DLG2: variants seen among roughly 807,000 people sequenced by gnomAD.
The protein encoded by DLG2 is discs large MAGUK scaffold protein 2.
Under a neutral mutation model 132.5 loss-of-function variants are expected in DLG2, and 45 were observed. That is an observed-to-expected ratio of 0.34 (90% CI 0.27 to 0.44). The LOEUF is 0.44. Among genes scored for constraint, DLG2 ranks in the 20% least tolerant of loss-of-function variants. DLG2 has a pLI of 1.00. For missense variants in DLG2, 1,045 were observed against 1,196.9 expected, an observed-to-expected ratio of 0.87 and a Z score of 1.87; for synonymous variants, 424 against 419.6, an observed-to-expected ratio of 1.01 and a Z score of -0.13.
chr11:85,324,210 A>G (rs773212024), intron 3 of DLG2, among the ~76,000 whole-genome samples: 30 of 152,090 alleles, frequency 2.0e-4, no homozygotes, highest in Non-Finnish European at 3.8e-4. Context: ...CCCTGAGTTC[A>G]CCAGAATTCC....
At chr11:84,617,519 C>T (rs1032231516) in intron 6 of DLG2, among the ~76,000 whole-genome samples, 1 of 152,084 alleles carries the variant, frequency 6.6e-6, no homozygotes, top group Non-Finnish European at 1.5e-5. Flanking sequence ...ATTGCTGGTT[C>T]AAATGGTATT....
chr11:85,592,642 T>C (rs1342893435), intron 3 of DLG2, among the ~76,000 whole-genome samples: 1 of 152,138 alleles, frequency 6.6e-6, no homozygotes, highest in African/African-American at 2.4e-5. Context: ...AAAAAATCCC[T>C]TAAATGTTTT....
intron 14 of DLG2, among the ~76,000 whole-genome samples, chr11:83,961,294 T>C (rs1013851272): frequency 6.6e-6 from 1 of 152,078 alleles, no homozygotes; most frequent in Non-Finnish European, 1.5e-5. Flanking sequence ...GTTTCAACTA[T>C]GGTCTAGTTG....
chr11:83,506,015 C>G (rs2094680317), intron 21 of DLG2, among the ~76,000 whole-genome samples: 1 of 152,156 alleles, frequency 6.6e-6, no homozygotes, highest in Non-Finnish European at 1.5e-5. Flanking sequence ...CTACTTGAGA[C>G]CAATCATGTA....
chr11:85,002,891 A>AG (rs1489208278), intron 6 of DLG2, among the ~76,000 whole-genome samples: 1 of 151,806 alleles, frequency 6.6e-6, no homozygotes, highest in Non-Finnish European at 1.5e-5. Flanking sequence ...CCTTTATGAT[A>AG]TATTTTCTCT....
At chr11:85,407,598 G>T (rs1315594631) in intron 3 of DLG2, among the ~76,000 whole-genome samples, 1 of 151,806 alleles carries the variant, frequency 6.6e-6, no homozygotes, top group Non-Finnish European at 1.5e-5. Flanking sequence ...GGAAGAACAG[G>T]AATCATATCA....
At chr11:85,576,604 T>G (rs2078171503) in intron 3 of DLG2, among the ~76,000 whole-genome samples, 1 of 152,098 alleles carries the variant, frequency 6.6e-6, no homozygotes. Flanking sequence ...AATTTAAAAG[T>G]CAACAGTCAG....
intron 3 of DLG2, among the ~76,000 whole-genome samples, chr11:85,549,264 G>T (rs1041167934): frequency 6.6e-6 from 1 of 152,116 alleles, no homozygotes; most frequent in Non-Finnish European, 1.5e-5. Context: ...CTTCCCGGAT[G>T]AGGTGACGCC....
At chr11:85,151,740 T>C (rs1390960269) in intron 5 of DLG2, among the ~76,000 whole-genome samples, 1 of 152,240 alleles carries the variant, frequency 6.6e-6, no homozygotes, top group African/African-American at 2.4e-5. Context: ...CTTTCACTGA[T>C]GAATATATCT....
chr11:85,624,546 A>G (rs2081936548), intron 2 of DLG2, among the ~76,000 whole-genome samples: 1 of 152,214 alleles, frequency 6.6e-6, no homozygotes, highest in African/African-American at 2.4e-5. Flanking sequence ...ATCCCTGCAG[A>G]ATAAATCTAG....
intron 6 of DLG2, among the ~76,000 whole-genome samples, chr11:84,956,899 G>A (rs1222660389): frequency 6.6e-6 from 1 of 152,136 alleles, no homozygotes; most frequent in Non-Finnish European, 1.5e-5. Context: ...CTTCAGAGAG[G>A]TAAATCTATA....
intron 4 of DLG2, among the ~76,000 whole-genome samples, chr11:85,179,345 T>C (rs898111735): frequency 6.6e-6 from 1 of 151,474 alleles, no homozygotes; most frequent in African/African-American, 2.4e-5. Context: ...AAAAATAAAC[T>C]CAGAGGAATA....
chr11:85,169,088 C>G (rs1480317809), intron 4 of DLG2, among the ~76,000 whole-genome samples: 3 of 152,112 alleles, frequency 2.0e-5, no homozygotes, highest in Non-Finnish European at 2.9e-5. Flanking sequence ...TACACATATC[C>G]TCCCAGATAC....
chr11:83,709,231 CTGTG>C (rs112665187), intron 18 of DLG2, among the ~76,000 whole-genome samples: 7,457 of 147,212 alleles, frequency 0.051, 639 homozygotes, highest in African/African-American at 0.17. Flanking sequence ...AAATTTTACA[CTGTG>C]TGTGTGTGTG....
intron 3 of DLG2, among the ~76,000 whole-genome samples, chr11:85,508,564 G>C (rs912509150): frequency 6.6e-6 from 1 of 151,914 alleles, no homozygotes; most frequent in Non-Finnish European, 1.5e-5. Flanking sequence ...CTGCTCACTA[G>C]GTTGTAAGCT....
At chr11:83,467,135 C>T (rs2091180067) in intron 25 of DLG2, among the ~76,000 whole-genome samples, 1 of 152,124 alleles carries the variant, frequency 6.6e-6, no homozygotes, top group South Asian at 2.1e-4. Context: ...TGAGTCTGTT[C>T]TCATGAAGTT....
chr11:84,741,018 T>C (rs956370272), intron 6 of DLG2, among the ~76,000 whole-genome samples: 11 of 149,906 alleles, frequency 7.3e-5, no homozygotes, highest in Non-Finnish European at 1.0e-4. Flanking sequence ...GCATGGCAGA[T>C]GCGCCCCAGG....
At chr11:84,350,444 TC>T (rs1254584877) in intron 7 of DLG2, among the ~76,000 whole-genome samples, 3 of 152,130 alleles carry the variant, frequency 2.0e-5, no homozygotes, top group African/African-American at 7.2e-5. Context: ...CTCATCCACA[TC>T]TATGTAAGAG....
At chr11:83,771,332 T>C (rs1193516837) in intron 18 of DLG2, among the ~76,000 whole-genome samples, 1 of 152,240 alleles carries the variant, frequency 6.6e-6, no homozygotes, top group Non-Finnish European at 1.5e-5. Context: ...CAGTGAAGAA[T>C]GCCTATTTTT....
Sources: allele counts gnomAD v4.1 joint callset (sites outside exome capture counted in the v4.1 genomes callset), GRCh38; gene constraint gnomAD v4.1.1; transcripts MANE v1.5; gene names NCBI Gene and HGNC (gene_info 2026-07-23, HGNC 2026-07-21).